Variants in XRN1 observed in about 807,000 individuals in gnomAD.
XRN1 encodes the protein strand-exchange protein 1 homolog.
Under a neutral mutation model 222.3 loss-of-function variants are expected in XRN1, and 67 were observed. The ratio of observed to expected loss-of-function variants is 0.30; its 90% CI spans 0.25 to 0.37. The LOEUF is 0.37. Among genes scored for constraint, XRN1 ranks in the 10% least tolerant of loss-of-function variants. XRN1 has a pLI of 1.00. For missense variants in XRN1, 1,707 were observed against 2,000.2 expected, an observed-to-expected ratio of 0.85 and a Z score of 2.80; for synonymous variants, 643 against 652.4, an observed-to-expected ratio of 0.99 and a Z score of 0.22.
intron 39 of XRN1, among the ~76,000 whole-genome samples, chr3:142,318,172 T>C (rs1368897871): frequency 6.6e-6 from 1 of 152,172 alleles, no homozygotes; most frequent in Non-Finnish European, 1.5e-5. Context: ...GGAAGCCAAC[T>C]GCTATTAGGA....
chr3:142,408,225 G>C (rs2068425784), intron 15 of XRN1, among the ~76,000 whole-genome samples: 1 of 152,210 alleles, frequency 6.6e-6, no homozygotes, highest in African/African-American at 2.4e-5. Context: ...CCAGACTAAA[G>C]AATAAGCGAA....
chr3:142,374,764 T>C lies in XRN1; in HGVS notation c.2978+1034A>G, dbSNP rs189715851. 3.2e-3 allele frequency among the ~76,000 whole-genome samples: 493 copies of C among 152,290 alleles called. 11 individuals carry two copies. Among genetic ancestry groups the C allele is most frequent in the Non-Finnish European group, 5.1e-4 (35 of 68,018 alleles). ...AAGTGAACAGAAGAAACAATCTAAA[T>C]TTCCAGATGGTAATATGGGATTGAA... On this transcript the variant is annotated intron_variant, in intron 25 of 40. Coordinates refer to ENST00000392981, the MANE Select transcript of XRN1 (RefSeq NM_001282857.2).
intron 20 of XRN1, among the ~76,000 whole-genome samples, chr3:142,394,143 C>T (rs1474793263): frequency 2.0e-5 from 3 of 152,090 alleles, no homozygotes; most frequent in East Asian, 3.9e-4. Flanking sequence ...ACTATTACTA[C>T]TATTACTGTC....
chr3:142,421,246 T>C, intron 9 of XRN1, 93 bp from the exon 10 acceptor site: 3 of 1,235,024 alleles, frequency 2.4e-6, no homozygotes, highest in Non-Finnish European at 3.2e-6. Context: ...TACTGGGGTA[T>C]AGGAAATTGG....
intron 20 of XRN1, among the ~76,000 whole-genome samples, chr3:142,391,749 AATATATATATATATAT>A (rs56952263): frequency 9.7e-6 from 1 of 103,462 alleles, no homozygotes; most frequent in Non-Finnish European, 2.0e-5. Context: ...AAAAAAAAAA[AATATATATATATATAT>A]ATATATATAT....
chr3:142,396,839 C>G (rs1022048237), intron 20 of XRN1, among the ~76,000 whole-genome samples: 1 of 152,134 alleles, frequency 6.6e-6, no homozygotes, highest in Non-Finnish European at 1.5e-5. Context: ...ACAAAACACT[C>G]TGGTGATCCT....
At chr3:142,314,404 G>A (rs972683662) in intron 39 of XRN1, among the ~76,000 whole-genome samples, 19 of 152,086 alleles carry the variant, frequency 1.2e-4, no homozygotes, top group Admixed American at 1.2e-3. Flanking sequence ...ATGATCATAA[G>A]ACAATTCTTC....
intron 33 of XRN1, among the ~76,000 whole-genome samples, chr3:142,342,924 G>A (rs1348412628): frequency 2.0e-5 from 3 of 151,940 alleles, no homozygotes; most frequent in African/African-American, 7.3e-5. Context: ...AAACAAATGG[G>A]ATCACATCAA....
chr3:142,356,249 G>A (rs556510128), intron 31 of XRN1, among the ~76,000 whole-genome samples: 81 of 152,114 alleles, frequency 5.3e-4, no homozygotes, highest in Non-Finnish European at 1.1e-3. Context: ...TTAAAACTCT[G>A]GAAAAATAGG....
intron 20 of XRN1, among the ~76,000 whole-genome samples, chr3:142,384,900 A>G (rs1234637509): frequency 1.3e-5 from 2 of 152,208 alleles, no homozygotes; most frequent in Non-Finnish European, 2.9e-5. Flanking sequence ...GTGATTAAAT[A>G]AGAACTCATA....
chr3:142,405,142 A>G, intron 15 of XRN1, 66 bp from the exon 16 acceptor site: 1 of 1,512,572 alleles, frequency 6.6e-7, no homozygotes, highest in Non-Finnish European at 9.1e-7. Context: ...CAAACAGAAT[A>G]AGTCTTTTTC....
chr3:142,447,872 G>C lies in XRN1; in HGVS notation c.73C>G (p.Gln25Glu). 6.2e-7 allele frequency: 1 copy of C among 1,613,528 alleles called. No individual in the cohort carries two copies. Among genetic ancestry groups the C allele is most frequent in the Non-Finnish European group, 8.5e-7 (1 of 1,179,868 alleles). The change falls in exon 1 of 41, where the codon CAG (glutamine) becomes GAG (glutamate). Residue 25 changes from glutamine to glutamate, a missense_variant and splice_region_variant. Physicochemically the swap from Gln to Glu is conservative, Grantham distance 29. Coordinates refer to ENST00000392981, the MANE Select transcript of XRN1 (RefSeq NM_001282857.2). The surrounding 1 kb of genome is among the most constrained non-coding windows in gnomAD (Gnocchi z 4.2). The stretch of plus-strand genomic sequence containing the variant: ...GCCGTTGCCCCTCGCTCACCCACCT[G>C]ATGCTCTTTCACCACTTCGCTGAGA... ...PCLSEVVKEH[Q>E]IPEFDNLYLD...
intron 4 of XRN1, 34 bp from the exon 5 acceptor site, chr3:142,425,366 T>C (rs193060591): frequency 7.3e-5 from 116 of 1,581,642 alleles, no homozygotes; most frequent in Non-Finnish European, 1.5e-5. Flanking sequence ...TGCAGTAATA[T>C]GGTATATGCT....
chr3:142,441,440 C>CA (rs1387059467), intron 1 of XRN1, among the ~76,000 whole-genome samples: 9 of 152,082 alleles, frequency 5.9e-5, no homozygotes, highest in Non-Finnish European at 1.0e-4. Flanking sequence ...TTATATATCA[C>CA]AAAAAAACAG....
At chr3:142,314,904 CAAAAAAAAAAAAA>C (rs776430519) in intron 39 of XRN1, among the ~76,000 whole-genome samples, 6 of 22,304 alleles carry the variant, frequency 2.7e-4, no homozygotes, top group Non-Finnish European at 4.7e-4. Context: ...GACTCTGTCT[CAAAAAAAAAAAAA>C]AAAAAAAAAA....
Position 142,417,292 on chromosome 3 carries a change from C to T in XRN1, c.1347-63G>A, listed in dbSNP as rs917769557. 28 of 1,343,790 alleles carry T rather than the reference C, an allele frequency of 2.1e-5. No individual in the cohort carries two copies. The Middle Eastern group carries it at 6.8e-4, about 33-fold the overall frequency. The allele number at this position is 1,343,790 out of a possible 1,614,324, so 83.2% of individuals were successfully genotyped here. A position where few individuals can be genotyped will look rare whatever the true frequency, so the allele number is the denominator to read the frequency against. On this transcript the variant is annotated intron_variant, in intron 12 of 40. Transcript: ENST00000392981. Reference sequence around the variant, plus strand: ...AAGACAGGCCCGTGTCTTTAGAGCACGGTATCTGCTGATACAACATTTTAC... The same window carrying T: ...AAGACAGGCCCGTGTCTTTAGAGCATGGTATCTGCTGATACAACATTTTAC...
chr3:142,439,575 T>C (rs1003395845), intron 1 of XRN1, among the ~76,000 whole-genome samples: 3 of 152,202 alleles, frequency 2.0e-5, no homozygotes, highest in African/African-American at 4.8e-5. Flanking sequence ...CCTGACTCCA[T>C]TGAAGGCCAA....
chr3:142,400,668 G>A (rs779233755), intron 18 of XRN1, 121 bp from the exon 19 acceptor site: 51 of 675,478 alleles, frequency 7.6e-5, no homozygotes, highest in African/African-American at 2.9e-4. Context: ...AGTTGGGGCC[G>A]GGTGCAGTGA....
At chr3:142,414,396 A>G in intron 13 of XRN1, 105 bp from the exon 14 acceptor site, 1 of 896,540 alleles carries the variant, frequency 1.1e-6, no homozygotes. Context: ...AAATAATTTT[A>G]AAAAATTAGT....
Sources: gnomAD v4.1 joint callset for allele counts (sites outside exome capture counted in the v4.1 genomes callset) on GRCh38, gnomAD v4.1.1 for gene constraint, Gnocchi (gnomAD v3.1) non-coding constraint, MANE v1.5 for transcripts, NCBI Gene and HGNC (gene_info 2026-07-23, HGNC 2026-07-21) for gene names.